Variants in DENND2A observed in about 807,000 individuals in gnomAD.
DENND2A encodes DENN domain containing 2A.
DENND2A carries 53 observed loss-of-function variants against 105.3 expected under a neutral mutation model. The observed-to-expected ratio is 0.50, with a 90% CI of 0.40 to 0.63. The LOEUF is 0.63. Ranked by LOEUF, DENND2A falls within the 30% of genes least tolerant of loss-of-function variation. The pLI is 0.00. For synonymous variants in DENND2A, 522 were observed against 508.4 expected (o/e 1.03, Z -0.36); for missense variants, 1,138 against 1,279.6 (o/e 0.89, Z 1.69).
intron 14 of DENND2A, among the ~76,000 whole-genome samples, chr7:140,541,701 T>TCAGCGCCCAGCACCAGCGCC (rs1796666029): frequency 2.6e-5 from 4 of 152,308 alleles, no homozygotes; most frequent in African/African-American, 9.6e-5. Flanking sequence ...GGAGAGCTCC[T>TCAGCGCCCAGCACCAGCGCC]CAGCGCCCAG....
intron 1 of DENND2A, among the ~76,000 whole-genome samples, chr7:140,625,429 C>T (rs772098202): frequency 2.0e-5 from 3 of 151,906 alleles, no homozygotes; most frequent in Non-Finnish European, 2.9e-5. Context: ...CCTGTAATCC[C>T]GGCACTTTGG....
At chr7:140,633,173 C>A (rs1328650748) in intron 1 of DENND2A, among the ~76,000 whole-genome samples, 1 of 152,094 alleles carries the variant, frequency 6.6e-6, no homozygotes, top group Non-Finnish European at 1.5e-5. Context: ...GGACTATAGG[C>A]ACCTGCCACC....
chr7:140,614,751 A>G (rs1346199968), intron 1 of DENND2A, among the ~76,000 whole-genome samples: 1 of 152,248 alleles, frequency 6.6e-6, no homozygotes, highest in Non-Finnish European at 1.5e-5. Context: ...TTCCAAAAAC[A>G]ACTTGAGAAA....
At chr7:140,566,751 A>T (rs1158793335) in intron 9 of DENND2A, among the ~76,000 whole-genome samples, 1 of 131,872 alleles carries the variant, frequency 7.6e-6, no homozygotes, top group Non-Finnish European at 1.5e-5. Flanking sequence ...CAGTGGCGTG[A>T]TCTTGGCTCA....
chr7:140,547,052 T>G (rs2130530217), intron 12 of DENND2A, 113 bp from the exon 13 acceptor site: 1 of 1,384,400 alleles, frequency 7.2e-7, no homozygotes, highest in Non-Finnish European at 9.8e-7. Context: ...GGGGAAGCCC[T>G]GCTTTCCCCA....
At chr7:140,558,720 C>T (rs968827578) in intron 10 of DENND2A, among the ~76,000 whole-genome samples, 4 of 145,554 alleles carry the variant, frequency 2.7e-5, no homozygotes, top group Non-Finnish European at 4.5e-5. Flanking sequence ...AAAAAAAAGT[C>T]AGTGAGACTG....
chr7:140,586,843 A>C (rs1394554730), intron 4 of DENND2A, among the ~76,000 whole-genome samples: 2 of 152,198 alleles, frequency 1.3e-5, no homozygotes, highest in Non-Finnish European at 2.9e-5. Context: ...TGATGATTAC[A>C]TGCCAGCATG....
At chr7:140,598,975 A>C (rs1398546128) in intron 3 of DENND2A, among the ~76,000 whole-genome samples, 1 of 152,172 alleles carries the variant, frequency 6.6e-6, no homozygotes, top group Non-Finnish European at 1.5e-5. Context: ...ATATATAGGA[A>C]GTCCAAGAGG....
At chr7:140,533,413 C>T (rs1007426592) in intron 14 of DENND2A, among the ~76,000 whole-genome samples, 1 of 152,192 alleles carries the variant, frequency 6.6e-6, no homozygotes, top group African/African-American at 2.4e-5. Flanking sequence ...TTTGTGACTC[C>T]TAAAGCCCTA....
chr7:140,579,198 C>G (rs1455545305), intron 5 of DENND2A, among the ~76,000 whole-genome samples: 1 of 151,758 alleles, frequency 6.6e-6, no homozygotes, highest in Non-Finnish European at 1.5e-5. Flanking sequence ...GAGGCTGAGG[C>G]AGGAGAATTG....
chr7:140,602,302 G>A lies in DENND2A; in HGVS notation c.96C>T (p.Cys32=), dbSNP rs928017475. 5.0e-6 allele frequency: 8 copies of A among 1,607,640 alleles called. No homozygotes were observed. In the Admixed American group the frequency reaches 8.3e-5, roughly 17 times the overall value. The change falls in exon 3 of 20, where the codon TGC becomes TGT. Residue 32 remains cysteine, a synonymous_variant. Transcript: ENST00000496613. ...KKQLRGVQNP[C]PSARARPRHK... Reference sequence around the variant, plus strand: ...GCCGGGGTCTGGCTCTGGCAGATGGGCAAGGGTTCTGAACACCTCTGAGCT... The same window carrying A: ...GCCGGGGTCTGGCTCTGGCAGATGGACAAGGGTTCTGAACACCTCTGAGCT...
At chr7:140,525,919 T>C in intron 15 of DENND2A, 127 bp from the exon 16 acceptor site, 1 of 686,550 alleles carries the variant, frequency 1.5e-6, no homozygotes. Flanking sequence ...GAGCCATTTG[T>C]GGTTTCCTGA....
chr7:140,554,291 A>G (rs533278692), intron 12 of DENND2A, among the ~76,000 whole-genome samples: 10 of 152,276 alleles, frequency 6.6e-5, no homozygotes, highest in African/African-American at 2.2e-4. Context: ...AGGAACTTCA[A>G]TTCCCCAAAA....
chr7:140,544,614 G>T lies in DENND2A; in HGVS notation c.2327+4C>A, dbSNP rs1227838778. On this transcript the variant is annotated splice_donor_region_variant and intron_variant, in intron 14 of 19. Transcript: ENST00000496613. ...GCTTTAGCAGAAGTAGCCAAGGCGG[G>T]TACCTGAGCTTGTCTGCAATGAAGA... 8.1e-6 allele frequency: 13 copies of T among 1,614,054 alleles called. No individual in the cohort carries two copies. Among genetic ancestry groups the T allele is most frequent in the African/African-American group, 1.3e-5 (1 of 74,932 alleles).
At position 140,567,228 on chromosome 7, in the gene DENND2A, G is replaced by C; in HGVS notation, c.1637C>G (p.Ala546Gly). 6.2e-7 allele frequency: 1 copy of C among 1,613,070 alleles called. No homozygotes were observed. The highest frequency in any genetic ancestry group is 1.3e-5 in the African/African-American group (1 of 74,916). Residue 546 changes from alanine (A) to glycine (G), a missense_variant, in exon 9 of 20, where the codon GCG becomes GGG. This residue lies in a region of DENND2A where 627 missense variants were observed against 779.8 expected (regional missense o/e 0.80). Coordinates refer to ENST00000496613, the MANE Select transcript of DENND2A (RefSeq NM_015689.5). Reference protein sequence around the residue: ...LVNVKSRLKQAPRYPSLAREL... With the variant: ...LVNVKSRLKQGPRYPSLAREL... ...CCGGGCAAGTGATGGGTACCGAGGC[G>C]CCTGCTTCAGCCGGGACTTCACGTT...
At chr7:140,530,434 A>T (rs73163301) in intron 14 of DENND2A, among the ~76,000 whole-genome samples, 103 of 152,234 alleles carry the variant, frequency 6.8e-4, no homozygotes, top group Non-Finnish European at 1.3e-3. Context: ...TTTGCAAATA[A>T]TCGTTCTCCT....
At chr7:140,612,407 C>T (rs1563178125) in intron 1 of DENND2A, among the ~76,000 whole-genome samples, 1 of 151,924 alleles carries the variant, frequency 6.6e-6, no homozygotes, top group Non-Finnish European at 1.5e-5. Context: ...ATTTCCAGTG[C>T]CCTTTACTGA....
intron 14 of DENND2A, among the ~76,000 whole-genome samples, chr7:140,543,289 T>TA (rs1328978196): frequency 2.7e-5 from 4 of 150,340 alleles, no homozygotes; most frequent in Non-Finnish European, 5.9e-5. Flanking sequence ...TGGCTAATTT[T>TA]TTTTTTTTTT....
chr7:140,634,918 C>T (rs1239209696), intron 1 of DENND2A, among the ~76,000 whole-genome samples: 2 of 150,364 alleles, frequency 1.3e-5, no homozygotes, highest in African/African-American at 2.5e-5. Context: ...GCCAAGATCA[C>T]GGCACTGAAC....
Sources: allele counts gnomAD v4.1 joint callset (sites outside exome capture counted in the v4.1 genomes callset), GRCh38; gene constraint gnomAD v4.1.1; regional missense constraint gnomAD v4.1.1; transcripts MANE v1.5; gene names NCBI Gene and HGNC (gene_info 2026-07-23, HGNC 2026-07-21).